The following KIF27 variants were observed in gnomAD, a reference collection of about 807,000 sequenced individuals.
The protein encoded by KIF27 is kinesin-like protein KIF27.
A neutral mutation model predicts 141.8 loss-of-function variants in KIF27; 84 were observed. The ratio of observed to expected loss-of-function variants is 0.59; its 90% CI spans 0.50 to 0.71. The LOEUF (loss-of-function observed/expected upper bound fraction) is 0.71, where lower values mean the gene tolerates loss of function less well. Ranked by LOEUF, KIF27 falls within the 30% of genes least tolerant of loss-of-function variation. The probability of loss-of-function intolerance (pLI) is 0.00; values close to 1 mark genes in which losing one functional copy is unlikely to be tolerated. For missense variants in KIF27, 1,306 were observed against 1,628.4 expected, an observed-to-expected ratio of 0.80 and a Z score of 3.41; for synonymous variants, 471 against 569.5, an observed-to-expected ratio of 0.83 and a Z score of 2.46.
chr9:83,865,282 T>G (rs1218529006), intron 13 of KIF27, among the ~76,000 whole-genome samples: 2 of 152,178 alleles, frequency 1.3e-5, no homozygotes, highest in African/African-American at 4.8e-5. Flanking sequence ...TTTTGGAATA[T>G]TTCCTCAACT....
At chr9:83,894,244 G>A (rs556706711) in intron 5 of KIF27, among the ~76,000 whole-genome samples, 7 of 152,250 alleles carry the variant, frequency 4.6e-5, no homozygotes, top group African/African-American at 1.4e-4. Flanking sequence ...ATATTATGAG[G>A]CCAGCATAAC....
chr9:83,862,555 C>T (rs1950028026), intron 13 of KIF27, among the ~76,000 whole-genome samples: 1 of 152,136 alleles, frequency 6.6e-6, no homozygotes, highest in Admixed American at 6.6e-5. Context: ...GGTACCAGTA[C>T]CATGCTGTTT....
chr9:83,848,100 A>C (rs146879244), intron 16 of KIF27, among the ~76,000 whole-genome samples: 2,555 of 42,220 alleles, frequency 0.061, 763 homozygotes, highest in African/African-American at 0.11. Context: ...TATGATATAT[A>C]TGATATCTCA....
rs1411129190 is a variant in KIF27, at chr9:83,881,793, T to TG, written c.2446-1300dup. ...AAAAATTATAATACCAGCATTTTAG[T>TG]GTCTTTTTCACATAATATTAAAAAT... On this transcript the variant is annotated intron_variant, in intron 10 of 17. Coordinates refer to ENST00000297814, the MANE Select transcript of KIF27 (RefSeq NM_017576.4). 2.0e-5 allele frequency among the ~76,000 whole-genome samples: 3 copies of TG among 152,360 alleles called. No homozygotes were observed. In the East Asian group the frequency reaches 5.8e-4, roughly 29 times the overall value.
chr9:83,913,388 T>C (rs1304263574), intron 2 of KIF27, among the ~76,000 whole-genome samples: 1 of 152,186 alleles, frequency 6.6e-6, no homozygotes, highest in Non-Finnish European at 1.5e-5. Flanking sequence ...TGGTGTCCTA[T>C]AGAGACATTC....
At chr9:83,853,559 A>G (rs1395587386) in intron 15 of KIF27, 70 bp downstream of exon 15, 9 of 1,038,032 alleles carry the variant, frequency 8.7e-6, no homozygotes, top group Non-Finnish European at 1.3e-5. Context: ...TAAAAATTCA[A>G]AATAAATATA....
chr9:83,841,305 C>T lies in KIF27; in HGVS notation c.3721+932G>A, dbSNP rs188760889. On this transcript the variant is annotated intron_variant, in intron 17 of 17. Transcript: ENST00000297814. ...AGGTTGGTCTCGAACTCCTAACCTCCGGTGATCCACCCGCCTTGGCCTCCC... is the reference window on the plus strand; with the variant it reads ...AGGTTGGTCTCGAACTCCTAACCTCTGGTGATCCACCCGCCTTGGCCTCCC... 5.6e-4 allele frequency among the ~76,000 whole-genome samples: 85 copies of T among 152,154 alleles called. 1 individual carries two copies. In the East Asian group the frequency reaches 0.012, roughly 22 times the overall value.
intron 11 of KIF27, among the ~76,000 whole-genome samples, chr9:83,872,612 A>G (rs1461441696): frequency 1.3e-5 from 2 of 152,178 alleles, no homozygotes; most frequent in African/African-American, 2.4e-5. Context: ...ATGTTTTATA[A>G]AAGTGTTAGG....
intron 11 of KIF27, among the ~76,000 whole-genome samples, chr9:83,872,879 G>A (rs1354155884): frequency 2.0e-5 from 3 of 152,202 alleles, no homozygotes; most frequent in African/African-American, 7.2e-5. Context: ...GCAGACTGCA[G>A]TGCAGAAGCC....
At chr9:83,854,038 C>T (rs1362353819) in intron 14 of KIF27, among the ~76,000 whole-genome samples, 1 of 152,164 alleles carries the variant, frequency 6.6e-6, no homozygotes, top group African/African-American at 2.4e-5. Context: ...TAAACACACA[C>T]ACACAACATA....
At chr9:83,909,447 T>C (rs984831820) in intron 2 of KIF27, among the ~76,000 whole-genome samples, 1 of 151,954 alleles carries the variant, frequency 6.6e-6, no homozygotes, top group Non-Finnish European at 1.5e-5. Flanking sequence ...CTGTCCCTAC[T>C]AAAAATACAA....
intron 11 of KIF27, among the ~76,000 whole-genome samples, chr9:83,878,212 T>A (rs1951384637): frequency 7.9e-6 from 1 of 126,802 alleles, no homozygotes; most frequent in African/African-American, 2.9e-5. Flanking sequence ...TACAACTTCA[T>A]ACCTACTCAG....
rs372555424 is a variant in KIF27, at chr9:83,908,499, G to A, written c.452C>T (p.Thr151Ile). 1.2e-4 allele frequency: 201 copies of A among 1,612,282 alleles called. No homozygotes were observed. Among genetic ancestry groups the A allele is most frequent in the Non-Finnish European group, 1.6e-4 (190 of 1,178,978 alleles). ...EDLRDLLELE[T>I]SMKDLHIRED... ...TCGGATGTGAAGATCCTTCATGGAT[G>A]TCTCCAATTCTAGAAGATCTCTTAG... is the stretch of plus-strand genomic sequence containing the variant. Residue 151 changes from threonine to isoleucine, a missense_variant, in exon 3 of 18, where the codon ACA becomes ATA. Physicochemically the swap from Thr to Ile is moderately conservative, Grantham distance 89 (BLOSUM62 -1). Around this residue, in one of 4 missense-constraint regions of KIF27, gnomAD observed 533 missense variants for 565.6 expected, o/e 0.94. Coordinates refer to ENST00000297814, the MANE Select transcript of KIF27 (RefSeq NM_017576.4).
chr9:83,856,739 C>CAA (rs1164022379), intron 14 of KIF27, among the ~76,000 whole-genome samples: 75 of 64,282 alleles, frequency 1.2e-3, no homozygotes, highest in South Asian at 5.0e-3. Context: ...GACTCCGTCT[C>CAA]AAAAAAAAAA....
At chr9:83,881,212 T>C (rs986920809) in intron 10 of KIF27, among the ~76,000 whole-genome samples, 1 of 152,132 alleles carries the variant, frequency 6.6e-6, no homozygotes, top group African/African-American at 2.4e-5. Flanking sequence ...ACAGATAGCA[T>C]TAGACTTTCA....
In KIF27 at chr9:83,908,518, C is replaced by T; in HGVS notation, c.433G>A (p.Asp145Asn). 6.2e-7 allele frequency: 1 copy of T among 1,612,562 alleles called. No individual in the cohort carries two copies. Among genetic ancestry groups the T allele is most frequent in the African/African-American group, 1.3e-5 (1 of 74,990 alleles). ...YIEVYKEDLR[D>N]LLELETSMKD... Reference sequence around the variant, plus strand: ...ATGGATGTCTCCAATTCTAGAAGATCTCTTAGGTCTTCCTTGTACACTTCT... The same window carrying T: ...ATGGATGTCTCCAATTCTAGAAGATTTCTTAGGTCTTCCTTGTACACTTCT... Residue 145 changes from aspartate to asparagine, a missense_variant, in exon 3 of 18, where the codon GAT becomes AAT. Asp to Asn is a conservative substitution (Grantham distance 23, BLOSUM62 1). Coordinates refer to ENST00000297814, the MANE Select transcript of KIF27 (RefSeq NM_017576.4).
intron 15 of KIF27, among the ~76,000 whole-genome samples, chr9:83,850,838 T>C (rs1277993000): frequency 1.9e-4 from 21 of 111,568 alleles, no homozygotes; most frequent in African/African-American, 6.8e-4. Flanking sequence ...TTCTTTTTTT[T>C]TTTTTTTTTT....
At chr9:83,862,057 T>C (rs1468415818) in intron 13 of KIF27, among the ~76,000 whole-genome samples, 2 of 152,118 alleles carry the variant, frequency 1.3e-5, no homozygotes. Context: ...TTGAGTTCAT[T>C]GTAGATTCTG....
chr9:83,860,365 A>G (rs1949752719), intron 13 of KIF27, among the ~76,000 whole-genome samples: 1 of 152,168 alleles, frequency 6.6e-6, no homozygotes. Flanking sequence ...AAATGGCATT[A>G]TCAATTTTAG....
Sources: gnomAD v4.1 joint callset for allele counts (sites outside exome capture counted in the v4.1 genomes callset) on GRCh38, gnomAD v4.1.1 for gene constraint, gnomAD v4.1.1 regional missense constraint, MANE v1.5 for transcripts, NCBI Gene and HGNC (gene_info 2026-07-23, HGNC 2026-07-21) for gene names.